Variants in NUP54 observed in about 807,000 individuals in gnomAD.
The protein encoded by NUP54 is nucleoporin 54.
NUP54 carries 27 observed loss-of-function variants against 66.4 expected under a neutral mutation model. That is an observed-to-expected ratio of 0.41 (90% CI 0.30 to 0.56). NUP54 has a LOEUF of 0.56. Ranked by LOEUF, NUP54 falls within the 20% of genes least tolerant of loss-of-function variation. The pLI is 0.34. For missense variants in NUP54, 486 were observed against 596.3 expected (o/e 0.82, Z 1.93); for synonymous variants, 206 against 210.7 (o/e 0.98, Z 0.19).
chr4:76,132,661 G>C lies in NUP54; in HGVS notation c.769C>G (p.Pro257Ala). 1 of 1,613,910 alleles carries C rather than the reference G, an allele frequency of 6.2e-7. No homozygotes were observed. The change falls in exon 6 of 12, where the codon CCA becomes GCA. Residue 257 changes from proline to alanine, a missense_variant. By Grantham distance (27) the Pro-to-Ala change is conservative. Coordinates refer to ENST00000264883, the MANE Select transcript of NUP54 (RefSeq NM_017426.4). ...AAATGGGCATATAGCGTTGTAGCTG[G>C]AACTCTTCTTGAAGTACCATTTGGC... ...RSPNGTSRRV[P>A]ATTLYAHFEQ...
rs1255547987 is a variant in NUP54 at position 76,144,212 on chromosome 4, C to G, written c.232G>C (p.Gly78Arg). 1 of 1,612,776 alleles carries G rather than the reference C, an allele frequency of 6.2e-7. No individual in the cohort carries two copies. The highest frequency in any genetic ancestry group is 8.5e-7 in the Non-Finnish European group (1 of 1,178,922). Residue 78 changes from glycine (G) to arginine (R), a missense_variant, in exon 3 of 12, where the codon GGT becomes CGT. Coordinates refer to ENST00000264883, the MANE Select transcript of NUP54 (RefSeq NM_017426.4). ...CCCAGTCCAGTTCCCAAACCAGTAC[C>G]TAAACCAGTACTAGTTCCCGTTGTT... Reference protein sequence around the residue: ...GTTTGTSTGLGTGLGTGLGFG... With the variant: ...GTTTGTSTGLRTGLGTGLGFG...
intron 3 of NUP54, 64 bp from the exon 4 acceptor site, chr4:76,136,476 G>A: frequency 7.7e-7 from 1 of 1,303,714 alleles, no homozygotes; most frequent in South Asian, 1.3e-5. Context: ...CCAGATCCTA[G>A]GCGTGGTAGG....
intron 3 of NUP54, among the ~76,000 whole-genome samples, chr4:76,137,988 G>A (rs936743675): frequency 1.3e-5 from 2 of 152,102 alleles, no homozygotes; most frequent in Admixed American, 6.5e-5. Context: ...AGGAGAAAAC[G>A]TGAATACCAA....
chr4:76,144,069 T>A (rs1731378940), intron 3 of NUP54, 80 bp downstream of exon 3: 2 of 1,371,446 alleles, frequency 1.5e-6, no homozygotes, highest in Non-Finnish European at 2.0e-6. Flanking sequence ...AAAAGTCCAC[T>A]AAAGTATTCT....
chr4:76,131,263 T>C lies in NUP54; in HGVS notation c.929A>G (p.Glu310Gly). Residue 310 changes from glutamate to glycine, a missense_variant, in exon 7 of 12, where the codon GAA becomes GGA. This residue lies in a region of NUP54 where 217 missense variants were observed against 247.9 expected (regional missense o/e 0.88). Transcript: ENST00000264883. Reference protein sequence around the residue: ...PPAGVDPIIWEQAKVDNPDSE... With the variant: ...PPAGVDPIIWGQAKVDNPDSE... Reference sequence around the variant, plus strand: ...ATCAGGGTTATCTACCTTGGCCTGTTCCCAGATAATAGGATCAACACCTAC... The same window carrying C: ...ATCAGGGTTATCTACCTTGGCCTGTCCCCAGATAATAGGATCAACACCTAC... 6.3e-7 allele frequency: 1 copy of C among 1,594,166 alleles called. No individual in the cohort carries two copies. The highest frequency in any genetic ancestry group is 8.6e-7 in the Non-Finnish European group (1 of 1,167,424).
rs1729911791 is a variant in NUP54 at position 76,115,494 on chromosome 4, GC to G, written c.1396-1del. On this transcript the variant is annotated splice_acceptor_variant, in intron 11 of 11. Transcript: ENST00000264883. LOFTEE classifies it high-confidence loss of function. Reference sequence around the variant, plus strand: ...AGGCCTTCCTGTTGTTGTTTCAAATGCTAGAACAAATTAAGAAACAACATAT... The same window carrying G: ...AGGCCTTCCTGTTGTTGTTTCAAATGTAGAACAAATTAAGAAACAACATAT... The G allele has an allele frequency of 6.3e-7, 1 of 1,591,336 alleles. No individual in the cohort carries two copies. Among genetic ancestry groups the G allele is most frequent in the Non-Finnish European group, 8.5e-7 (1 of 1,172,512 alleles).
At chr4:76,124,603 C>A in intron 9 of NUP54, 46 bp downstream of exon 9, 2 of 745,590 alleles carry the variant, frequency 2.7e-6, no homozygotes, top group South Asian at 1.8e-5. Context: ...CATTATTTCA[C>A]ACACATAGTC....
rs768414670 is a variant in NUP54 at position 76,117,691 on chromosome 4, A to C, written c.1368T>G (p.Asp456Glu). ...GCTTGATTTCTCGTAACAGATCTGC[A>C]TCTATGTAATACCTTTCTTCAGATC... ...AVRSEERYYI[D>E]ADLLREIKQH... The change falls in exon 11 of 12, where the codon GAT becomes GAG. Residue 456 changes from aspartate (D) to glutamate (E), a missense_variant. Asp to Glu is a conservative substitution (Grantham distance 45). Transcript: ENST00000264883. 7 of 1,612,718 alleles carry C rather than the reference A, an allele frequency of 4.3e-6. No homozygotes were observed. Among genetic ancestry groups the C allele is most frequent in the Non-Finnish European group, 5.9e-6 (7 of 1,178,778 alleles).
At position 76,132,557 on chromosome 4, in the gene NUP54, T is replaced by G; in HGVS notation, c.873A>C (p.Ala291=). Residue 291 remains alanine, a synonymous_variant, in exon 6 of 12, where the codon GCA becomes GCC. Transcript: ENST00000264883. ...LSMTRTELSP[A]QIKQLLQNPP... ...GATTCTGTAAAAGCTGTTTGATCTGTGCAGGAGAAAGTTCTGTTCTAGTCA... is the reference window on the plus strand; with the variant it reads ...GATTCTGTAAAAGCTGTTTGATCTGGGCAGGAGAAAGTTCTGTTCTAGTCA... 1 of 1,614,026 alleles carries G rather than the reference T, an allele frequency of 6.2e-7. No homozygotes were observed. The highest frequency in any genetic ancestry group is 8.5e-7 in the Non-Finnish European group (1 of 1,179,964).
chr4:76,122,074 T>C (rs1730259502), intron 9 of NUP54, among the ~76,000 whole-genome samples: 1 of 152,230 alleles, frequency 6.6e-6, no homozygotes, highest in South Asian at 2.1e-4. Flanking sequence ...TATTTGCTAT[T>C]CATTTTTGGT....
chr4:76,132,681 T>C lies in NUP54; in HGVS notation c.749A>G (p.Asn250Ser), dbSNP rs61750814. The change falls in exon 6 of 12, where the codon AAT (asparagine) becomes AGT (serine). Residue 250 changes from asparagine (N) to serine (S), a missense_variant. Asn to Ser is a conservative substitution (Grantham distance 46). Transcript: ENST00000264883. ...AGCTGGAACTCTTCTTGAAGTACCA[T>C]TTGGCGAACGCTCAACAACATAAAT... ...VVIYVVERSP[N>S]GTSRRVPATT... 0.15 allele frequency: 243,813 copies of C among 1,613,058 alleles called. 19,789 individuals are homozygous for C. Among genetic ancestry groups the C allele is most frequent in the Middle Eastern group, 0.29 (1,767 of 6,060 alleles).
At chr4:76,134,440 T>C in intron 4 of NUP54, 78 bp from the exon 5 acceptor site, 3 of 1,165,464 alleles carry the variant, frequency 2.6e-6, no homozygotes, top group Non-Finnish European at 3.6e-6. Context: ...TAGCTTAATA[T>C]CTGCTAAAAT....
intron 10 of NUP54, 75 bp from the exon 11 acceptor site, chr4:76,117,849 TG>T: frequency 7.7e-7 from 1 of 1,296,272 alleles, no homozygotes; most frequent in South Asian, 1.2e-5. Flanking sequence ...TCTGAAAGGA[TG>T]GTTTCAAAAC....
chr4:76,146,215 A>G (rs735697), intron 1 of NUP54: 142,203 of 305,516 alleles, frequency 0.47, 35,377 homozygotes, highest in East Asian at 0.9. Flanking sequence ...GTTAAAACAT[A>G]TTACATTATC....
intron 8 of NUP54, among the ~76,000 whole-genome samples, chr4:76,126,192 T>TG (rs1199213192): frequency 6.6e-6 from 1 of 152,188 alleles, no homozygotes; most frequent in Non-Finnish European, 1.5e-5. Flanking sequence ...ATCTTTGACT[T>TG]GCTGTTTTAC....
intron 8 of NUP54, among the ~76,000 whole-genome samples, chr4:76,127,723 G>A (rs1730605388): frequency 6.6e-6 from 1 of 152,020 alleles, no homozygotes; most frequent in African/African-American, 2.4e-5. Context: ...TTAACAAAGA[G>A]ATGAGAAACT....
At chr4:76,147,519 C>T (rs1193115882) in intron 1 of NUP54, 1 of 1,289,608 alleles carries the variant, frequency 7.8e-7, no homozygotes, top group Non-Finnish European at 1.0e-6. Flanking sequence ...ACGGAGTCGC[C>T]GAGGTAGTAG....
At chr4:76,124,931 T>G (rs1411373995) in intron 8 of NUP54, among the ~76,000 whole-genome samples, 175 bp from the exon 9 acceptor site, 1 of 152,184 alleles carries the variant, frequency 6.6e-6, no homozygotes, top group Non-Finnish European at 1.5e-5. Context: ...ATACCTAAAA[T>G]TTTTTTAAAA....
chr4:76,143,522 T>C (rs1188705904), intron 3 of NUP54, among the ~76,000 whole-genome samples: 2 of 152,178 alleles, frequency 1.3e-5, no homozygotes, highest in African/African-American at 4.8e-5. Context: ...AAGTATCGCT[T>C]GAACCTGGGA....
Sources: allele counts gnomAD v4.1 joint callset (sites outside exome capture counted in the v4.1 genomes callset), GRCh38; gene constraint gnomAD v4.1.1; regional missense constraint gnomAD v4.1.1; transcripts MANE v1.5; gene names NCBI Gene and HGNC (gene_info 2026-07-23, HGNC 2026-07-21).